The following SYTL5 variants were observed in gnomAD, a reference collection of about 807,000 sequenced individuals.
SYTL5 encodes the protein synaptotagmin-like protein 5.
SYTL5 carries 34 observed loss-of-function variants against 55.9 expected under a neutral mutation model. The observed-to-expected ratio is 0.61, with a 90% CI of 0.46 to 0.81. SYTL5 has a LOEUF of 0.81. Ranked by LOEUF, SYTL5 falls within the 30% of genes least tolerant of loss-of-function variation. The pLI is 0.00. For synonymous variants in SYTL5, 221 were observed against 188.7 expected, an observed-to-expected ratio of 1.17 and a Z score of -1.40; for missense variants, 637 against 546.7, an observed-to-expected ratio of 1.17 and a Z score of -1.65.
the SYTL5 span, among the ~76,000 whole-genome samples, chrX:37,943,876 CAA>C: frequency 9.9e-5 from 11 of 111,207 alleles, no homozygotes; most frequent in South Asian, 4.2e-3. Context: ...ACAAAACAAA[CAA>C]AAATTCACCA....
Position 38,066,134 on chromosome X carries a change from A to C in SYTL5, c.330-5913A>C, listed in dbSNP as rs572276439. Among the ~76,000 whole-genome samples, 3 of 111,676 alleles carry C rather than the reference A, an allele frequency of 2.7e-5. No homozygotes were observed. In the South Asian group the frequency reaches 1.1e-3, roughly 42 times the overall value. ...TGCTGTGTAATTAATAAATGTATAA[A>C]AAAATTGAATTAGTTTCCTTATGAA... is the stretch of plus-strand genomic sequence containing the variant. On this transcript the variant is annotated intron_variant, in intron 3 of 16. Coordinates refer to ENST00000297875, the MANE Select transcript of SYTL5 (RefSeq NM_138780.3).
intron 7 of SYTL5, among the ~76,000 whole-genome samples, chrX:38,093,384 T>C (rs1936846184): frequency 1.8e-5 from 2 of 111,895 alleles, no homozygotes; most frequent in Non-Finnish European, 1.9e-5. Flanking sequence ...AAATCTGTTT[T>C]AGATTTGATC....
chrX:38,113,706 C>T (rs1054633703), intron 13 of SYTL5, among the ~76,000 whole-genome samples: 4 of 111,660 alleles, frequency 3.6e-5, no homozygotes, highest in Admixed American at 2.8e-4. Flanking sequence ...TACCCATCCC[C>T]GTTTTCTTGC....
At chrX:38,051,102 G>A (rs748125113) in intron 2 of SYTL5, among the ~76,000 whole-genome samples, 18 of 111,656 alleles carry the variant, frequency 1.6e-4, no homozygotes, top group African/African-American at 4.6e-4. Flanking sequence ...GAAATAGCAT[G>A]TTCAAAGGCC....
chrX:38,018,833 T>A (rs1007728469), intron 1 of SYTL5, among the ~76,000 whole-genome samples: 4 of 111,774 alleles, frequency 3.6e-5, no homozygotes, highest in South Asian at 3.8e-4. Flanking sequence ...ATTGAGATTA[T>A]TCTAAAACGT....
At chrX:37,969,298 G>C in the SYTL5 span, among the ~76,000 whole-genome samples, 3 of 111,528 alleles carry the variant, frequency 2.7e-5, no homozygotes, top group Non-Finnish European at 5.6e-5. Context: ...AATTACTGGA[G>C]AGTTTTCAGA....
intron 15 of SYTL5, among the ~76,000 whole-genome samples, chrX:38,122,638 C>T (rs1937584108): frequency 8.9e-6 from 1 of 112,048 alleles, no homozygotes; most frequent in South Asian, 3.7e-4. Flanking sequence ...GTAGAGATGT[C>T]AGAGCATCCT....
At chrX:37,941,286 G>A in the SYTL5 span, among the ~76,000 whole-genome samples, 1 of 111,815 alleles carries the variant, frequency 8.9e-6, no homozygotes, top group Non-Finnish European at 1.9e-5. Context: ...GACAATCCCA[G>A]AAAGAAATGT....
the SYTL5 span, among the ~76,000 whole-genome samples, chrX:37,971,523 A>C: frequency 9.0e-6 from 1 of 110,516 alleles, no homozygotes; most frequent in Non-Finnish European, 1.9e-5. Context: ...GCAAAACAAC[A>C]ACAACAACAA....
chrX:37,909,700 G>A, the SYTL5 span, among the ~76,000 whole-genome samples: 1 of 108,499 alleles, frequency 9.2e-6, no homozygotes, highest in East Asian at 2.9e-4. Flanking sequence ...TTGAGATGGA[G>A]TCTCACTGTT....
At chrX:38,102,709 A>G (rs139778658) in intron 10 of SYTL5, among the ~76,000 whole-genome samples, 1,340 of 111,089 alleles carry the variant, frequency 0.012, 31 homozygotes, top group African/African-American at 0.042. Flanking sequence ...GCTCAAGCCT[A>G]TAAATTATTT....
chrX:37,973,928 T>G, the SYTL5 span, among the ~76,000 whole-genome samples: 1 of 111,638 alleles, frequency 9.0e-6, no homozygotes, highest in Non-Finnish European at 1.9e-5. Context: ...AAGGACACCA[T>G]GCTAAGTGAA....
chrX:37,921,366 A>T, the SYTL5 span, among the ~76,000 whole-genome samples: 1 of 111,187 alleles, frequency 9.0e-6, no homozygotes, highest in Non-Finnish European at 1.9e-5. Flanking sequence ...AGAAAGTTTA[A>T]GTAAACGGAA....
the SYTL5 span, among the ~76,000 whole-genome samples, chrX:37,976,987 A>G: frequency 8.4e-3 from 935 of 111,315 alleles, 13 homozygotes; most frequent in African/African-American, 0.029. Context: ...ATCCTTCTCT[A>G]TCTCAAAGAA....
the SYTL5 span, among the ~76,000 whole-genome samples, chrX:37,953,493 A>G: frequency 1.8e-5 from 2 of 111,575 alleles, no homozygotes; most frequent in Non-Finnish European, 3.8e-5. Flanking sequence ...AGAAATTTTA[A>G]CACCATCTTT....
At chrX:38,105,799 T>G (rs776669576) in intron 10 of SYTL5, among the ~76,000 whole-genome samples, 1 of 112,461 alleles carries the variant, frequency 8.9e-6, no homozygotes, top group Non-Finnish European at 1.9e-5. Context: ...AAACTGTGGA[T>G]AAGGGGGACT....
the SYTL5 span, among the ~76,000 whole-genome samples, chrX:37,899,546 C>T: frequency 1.2e-4 from 13 of 112,000 alleles, no homozygotes; most frequent in Middle Eastern, 4.6e-3. Context: ...TCACTGAAAA[C>T]GCAAAATGCA....
the SYTL5 span, among the ~76,000 whole-genome samples, chrX:37,936,972 C>G: frequency 1.3e-4 from 14 of 107,453 alleles, no homozygotes; most frequent in African/African-American, 4.1e-4. Context: ...ATTGCTTGAA[C>G]CCGGGAGGCG....
intron 2 of SYTL5, among the ~76,000 whole-genome samples, chrX:38,041,705 G>A (rs968631681): frequency 3.6e-5 from 4 of 112,222 alleles, no homozygotes; most frequent in East Asian, 2.8e-4. Flanking sequence ...ATTTTTCTCC[G>A]AGGAAGCGTT....
Sources: gnomAD v4.1 joint callset for allele counts (sites outside exome capture counted in the v4.1 genomes callset) on GRCh38, gnomAD v4.1.1 for gene constraint, MANE v1.5 for transcripts, NCBI Gene and HGNC (gene_info 2026-07-23, HGNC 2026-07-21) for gene names.